Variants in BOP1 observed in about 807,000 individuals in gnomAD.
The protein encoded by BOP1 is ribosome biogenesis protein BOP1.
A neutral mutation model predicts 82.9 loss-of-function variants in BOP1; 54 were observed. That is an observed-to-expected ratio of 0.65 (90% CI 0.52 to 0.82). The LOEUF is 0.82. BOP1 is among the 40% of genes least tolerant of loss of function. The probability of loss-of-function intolerance (pLI) is 0.00; values close to 1 mark genes in which losing one functional copy is unlikely to be tolerated. For synonymous variants in BOP1, 566 were observed against 451.1 expected (o/e 1.25, Z -3.23); for missense variants, 1,170 against 1,072.0 (o/e 1.09, Z -1.28).
In BOP1 at chr8:144,291,201, G is replaced by A; in HGVS notation, c.99+71C>T. Reference sequence around the variant, plus strand: ...CAGGTGACAGAAGCCGGGCCCACCCGCCCCAGCGCGGCCACGTGCCCGCCG... The same window carrying A: ...CAGGTGACAGAAGCCGGGCCCACCCACCCCAGCGCGGCCACGTGCCCGCCG... On this transcript the variant is annotated intron_variant, in intron 1 of 15. Coordinates refer to ENST00000569669, the MANE Select transcript of BOP1 (RefSeq NM_015201.5). This position sits in a 1 kb window ranked among gnomAD's most constrained non-coding sequence, Gnocchi z 4.1. The A allele has an allele frequency of 7.8e-7, 1 of 1,288,040 alleles. No individual in the cohort carries two copies. Among genetic ancestry groups the A allele is most frequent in the South Asian group, 1.8e-5 (1 of 57,132 alleles). The allele number at this position is 1,288,040 out of a possible 1,614,324, so 79.8% of individuals were successfully genotyped here.
At chr8:144,267,884 C>A (rs991293628) in intron 3 of BOP1, among the ~76,000 whole-genome samples, 248 of 152,342 alleles carry the variant, frequency 1.6e-3, no homozygotes, top group African/African-American at 5.1e-3. Flanking sequence ...ACAGCACGCG[C>A]GAGCTCCTGG....
At chr8:144,275,869 C>G (rs1343421069) in intron 3 of BOP1, among the ~76,000 whole-genome samples, 2 of 151,924 alleles carry the variant, frequency 1.3e-5, no homozygotes, top group Non-Finnish European at 2.9e-5. Context: ...CGACCATGAC[C>G]CCCACCCAGA....
rs1245641727 is a variant in BOP1, at chr8:144,262,135, A to C, written c.*29T>G. The C allele has an allele frequency of 6.2e-7, 1 of 1,611,158 alleles. No homozygotes were observed. ...TAAAGGCTCTGTTGACTTCAGCACG[A>C]CCACCCCAGCCCCAGGCAGGCAGAA... is the stretch of plus-strand genomic sequence containing the variant. On this transcript the variant is annotated 3_prime_UTR_variant, in exon 16 of 16. Transcript: ENST00000569669.
At chr8:144,269,240 CAG>C (rs1359429461) in intron 3 of BOP1, among the ~76,000 whole-genome samples, 4 of 152,354 alleles carry the variant, frequency 2.6e-5, no homozygotes, top group South Asian at 4.1e-4. Flanking sequence ...TCAGTGGGCA[CAG>C]AGAGAAGAAG....
In BOP1 at chr8:144,282,532, G is replaced by T. The variant is rs958738171; in HGVS notation, c.310-6228C>A. Reference sequence around the variant, plus strand: ...GGTCACTGTAGCAGGGACGCAAAGGGTGGGGAAGGGATGCCTGCCCTCAAA... The same window carrying T: ...GGTCACTGTAGCAGGGACGCAAAGGTTGGGGAAGGGATGCCTGCCCTCAAA... On this transcript the variant is annotated intron_variant, in intron 2 of 15. Coordinates refer to ENST00000569669, the MANE Select transcript of BOP1 (RefSeq NM_015201.5). 3.3e-5 allele frequency among the ~76,000 whole-genome samples: 5 copies of T among 152,096 alleles called. No homozygotes were observed. In the South Asian group the frequency reaches 1.0e-3, roughly 32 times the overall value.
intron 1 of BOP1, among the ~76,000 whole-genome samples, chr8:144,289,584 C>G (rs1464293340): frequency 6.6e-6 from 1 of 152,214 alleles, no homozygotes; most frequent in Non-Finnish European, 1.5e-5. Flanking sequence ...ACAACCTCCT[C>G]CTCTTGGAGC....
At chr8:144,277,462 G>C (rs1208830155) in intron 2 of BOP1, among the ~76,000 whole-genome samples, 1 of 152,238 alleles carries the variant, frequency 6.6e-6, no homozygotes, top group Non-Finnish European at 1.5e-5. Flanking sequence ...GCCCCCGCCT[G>C]GCCTCTGCGG....
intron 3 of BOP1, among the ~76,000 whole-genome samples, chr8:144,271,418 G>A (rs1309003788): frequency 6.6e-6 from 1 of 152,026 alleles, no homozygotes; most frequent in Non-Finnish European, 1.5e-5. Context: ...GGAGCGTGGG[G>A]TCAGCCGCCC....
At chr8:144,283,533 G>C (rs1554839176) in intron 2 of BOP1, among the ~76,000 whole-genome samples, 1 of 152,226 alleles carries the variant, frequency 6.6e-6, no homozygotes, top group East Asian at 1.9e-4. Flanking sequence ...GGCTGGTCTT[G>C]AACTCCTGGG....
intron 3 of BOP1, among the ~76,000 whole-genome samples, chr8:144,267,515 G>A (rs1301278358): frequency 1.3e-5 from 2 of 152,266 alleles, no homozygotes; most frequent in Admixed American, 6.5e-5. Context: ...TAAGTTGAAA[G>A]GCGGAGTGAA....
chr8:144,271,646 T>G (rs1350443681), intron 3 of BOP1, among the ~76,000 whole-genome samples: 18 of 151,938 alleles, frequency 1.2e-4, no homozygotes, highest in African/African-American at 3.6e-4. Context: ...CTCACCCTAC[T>G]GAAGGTTCCA....
chr8:144,280,930 C>T (rs1201393661), intron 2 of BOP1, among the ~76,000 whole-genome samples: 2 of 150,948 alleles, frequency 1.3e-5, no homozygotes, highest in African/African-American at 2.4e-5. Context: ...GGTCTTAGGC[C>T]TTCTCTCAGT....
rs1247619671 is a variant in BOP1, at chr8:144,262,508, G to C, written c.1980-5C>G. The C allele has an allele frequency of 1.6e-5, 25 of 1,612,840 alleles. No homozygotes were observed. The East Asian group carries it at 2.9e-4, about 19-fold the overall frequency. ...CGCAGAGCCTTCTTGTGGTGTCTGG[G>C]GGGAGGGAACCAGGTTGAAGGCAGG... On this transcript the variant is annotated splice_region_variant and splice_polypyrimidine_tract_variant and intron_variant, in intron 14 of 15. Coordinates refer to ENST00000569669, the MANE Select transcript of BOP1 (RefSeq NM_015201.5).
At position 144,265,010 on chromosome 8, in the gene BOP1, C is replaced by T. The variant is rs1845324720; in HGVS notation, c.452G>A (p.Gly151Asp). The T allele has an allele frequency of 6.2e-7, 1 of 1,612,234 alleles. No individual in the cohort carries two copies. The highest frequency in any genetic ancestry group is 8.5e-7 in the Non-Finnish European group (1 of 1,179,762). Residue 151 changes from glycine to aspartate, a missense_variant, in exon 4 of 16, where the codon GGC becomes GAC. By Grantham distance (94) the Gly-to-Asp change is moderately conservative. Coordinates refer to ENST00000569669, the MANE Select transcript of BOP1 (RefSeq NM_015201.5). ...LEWYDDFPHV[G>D]YDLDGRRIYK... ...GATGCGCCTGCCATCCAGGTCGTAG[C>T]CCACGTGGGGGAAGTCATCGTACCA...
intron 3 of BOP1, 121 bp from the exon 4 acceptor site, chr8:144,265,192 G>C: frequency 4.3e-6 from 5 of 1,174,470 alleles, no homozygotes; most frequent in Non-Finnish European, 6.0e-6. Context: ...CAAGTGCCCT[G>C]AGGTCACTGG....
intron 3 of BOP1, among the ~76,000 whole-genome samples, chr8:144,266,304 G>A (rs1388766694): frequency 7.2e-6 from 1 of 138,606 alleles, no homozygotes; most frequent in Non-Finnish European, 1.6e-5. Context: ...GACCAGCCCC[G>A]CCCCCCCCAC....
At chr8:144,279,042 T>A (rs1554838631) in intron 2 of BOP1, among the ~76,000 whole-genome samples, 2 of 152,174 alleles carry the variant, frequency 1.3e-5, no homozygotes, top group Non-Finnish European at 2.9e-5. Context: ...ACTGGCCATG[T>A]GTGCTGCCAC....
chr8:144,264,564 C>A lies in BOP1; in HGVS notation c.716G>T (p.Arg239Leu). The A allele has an allele frequency of 6.2e-7, 1 of 1,609,576 alleles. No homozygotes were observed. The highest frequency in any genetic ancestry group is 8.5e-7 in the Non-Finnish European group (1 of 1,178,626). Residue 239 changes from arginine (R) to leucine (L), a missense_variant, in exon 6 of 16, where the codon CGC (arginine) becomes CTC (leucine). Arg to Leu is a moderately radical substitution (Grantham distance 102). Coordinates refer to ENST00000569669, the MANE Select transcript of BOP1 (RefSeq NM_015201.5). ...GDVMIHPVTN[R>L]PADKRSFIPS... ...GATGAAGCTGCGCTTGTCGGCCGGG[C>A]GGTTGGTCACCGGGTGGATCATGAC...
chr8:144,289,179 G>A lies in BOP1; in HGVS notation c.225C>T (p.Asp75=), dbSNP rs138704768. Residue 75 remains aspartate, a synonymous_variant, in exon 2 of 16, where the codon GAC becomes GAT. Coordinates refer to ENST00000569669, the MANE Select transcript of BOP1 (RefSeq NM_015201.5). ...CGTCCTCTCCCTCCTCGTCGCCTTC[G>A]TCATCATCCTCACTGCTGTCACTGC... is the stretch of plus-strand genomic sequence containing the variant. The part of the protein sequence containing the change: ...DSGSDSSEDD[D]EGDEEGEDGA... The A allele has an allele frequency of 7.6e-5, 122 of 1,614,036 alleles. 1 individual carries two copies. The highest frequency in any genetic ancestry group is 1.6e-4 in the Middle Eastern group (1 of 6,084).
Sources: allele counts gnomAD v4.1 joint callset (sites outside exome capture counted in the v4.1 genomes callset), GRCh38; gene constraint gnomAD v4.1.1; non-coding constraint Gnocchi (gnomAD v3.1); transcripts MANE v1.5; gene names NCBI Gene and HGNC (gene_info 2026-07-23, HGNC 2026-07-21).